The following ZNF107 variants were observed in gnomAD, a reference collection of about 807,000 sequenced individuals.
The protein encoded by ZNF107 is C2H2 type zinc-finger protein.
A neutral mutation model predicts 12.3 loss-of-function variants in ZNF107; 19 were observed. That is an observed-to-expected ratio of 1.55 (90% CI 1.08 to 2.27). ZNF107 has a LOEUF of 2.27. Among genes scored for constraint, ZNF107 ranks in the 30% most tolerant of loss-of-function variants. The pLI, the probability that ZNF107 is intolerant of heterozygous loss-of-function variation, is 0.00. For missense variants in ZNF107, 958 were observed against 979.9 expected, an observed-to-expected ratio of 0.98 and a Z score of 0.30; for synonymous variants, 317 against 330.5, an observed-to-expected ratio of 0.96 and a Z score of 0.44.
At chr7:64,677,962 T>G (rs1431379777) in intron 1 of ZNF107, among the ~76,000 whole-genome samples, 2 of 152,122 alleles carry the variant, frequency 1.3e-5, no homozygotes, top group Non-Finnish European at 2.9e-5. Flanking sequence ...TATTCTCCTA[T>G]GTGAAAAATA....
At position 64,669,196 on chromosome 7, in the gene ZNF107, A is replaced by G. The variant is rs538148085; in HGVS notation, c.3+2911A>G. 15 of 151,380 alleles carry G rather than the reference A, an allele frequency of 9.9e-5. 1 individual carries two copies. The highest frequency in any genetic ancestry group is 8.5e-4 in the Admixed American group (13 of 15,220). The allele number at this position is 151,380 out of a possible 1,614,324, so 9.4% of individuals were successfully genotyped here. A position where few individuals can be genotyped will look rare whatever the true frequency, so the allele number is the denominator to read the frequency against. On this transcript the variant is annotated intron_variant, in intron 1 of 3. Transcript: ENST00000620827. ...ATGCCCAGGTAATTTTTGTAGTTTT[A>G]TTAGACACGGGGTTTCACCATGTTG...
At chr7:64,670,268 G>A (rs1789171348) in intron 1 of ZNF107, among the ~76,000 whole-genome samples, 1 of 152,142 alleles carries the variant, frequency 6.6e-6, no homozygotes, top group South Asian at 2.1e-4. Context: ...CAAAGTTTAG[G>A]CAGACAAAGA....
chr7:64,706,496 T>C lies in ZNF107; in HGVS notation c.399T>C (p.Val133=). The C allele has an allele frequency of 6.2e-7, 1 of 1,612,122 alleles. No homozygotes were observed. The highest frequency in any genetic ancestry group is 8.5e-7 in the Non-Finnish European group (1 of 1,178,716). The part of the protein sequence containing the change: ...CTGHKGGHNT[V]NQCLTATPSK... ...GGCACAAAGGAGGTCATAATACAGT[T>C]AACCAATGTTTGACAGCTACCCCAA... is the stretch of plus-strand genomic sequence containing the variant. Residue 133 remains valine (V), a synonymous_variant, in exon 4 of 4, where the codon GTT becomes GTC. Transcript: ENST00000620827.
intron 1 of ZNF107, among the ~76,000 whole-genome samples, chr7:64,675,111 G>C (rs1053115464): frequency 6.6e-6 from 1 of 152,124 alleles, no homozygotes; most frequent in Admixed American, 6.5e-5. Context: ...ATATGATACT[G>C]TTCTTATATA....
chr7:64,668,206 G>A (rs551656553), intron 1 of ZNF107, among the ~76,000 whole-genome samples: 1 of 151,656 alleles, frequency 6.6e-6, no homozygotes, highest in Non-Finnish European at 1.5e-5. Flanking sequence ...TGCATAACGT[G>A]CAGGTTTGTT....
At chr7:64,668,997 ATTTTTTTTTTTTTTTTTTTTTTTT>A (rs55942111) in intron 1 of ZNF107, 1 of 57,596 alleles carries the variant, frequency 1.7e-5, no homozygotes, top group Non-Finnish European at 2.9e-5. Flanking sequence ...GATAACGCTA[ATTTTTTTTTTTTTTTTTTTTTTTT>A]TTTTTTTTTT....
intron 1 of ZNF107, chr7:64,687,368 CAGGAG>C (rs1789958462): frequency 2.0e-6 from 2 of 985,276 alleles, no homozygotes; most frequent in Non-Finnish European, 2.4e-6. Flanking sequence ...CAATTCTACC[CAGGAG>C]GCCTGCAGGC....
intron 1 of ZNF107, chr7:64,687,375 C>G: frequency 1.0e-6 from 1 of 985,432 alleles, no homozygotes; most frequent in Non-Finnish European, 1.2e-6. Flanking sequence ...ACCCAGGAGG[C>G]CTGCAGGCTC....
Position 64,706,802 on chromosome 7 carries a change from C to A in ZNF107, c.705C>A (p.Gly235=). Residue 235 remains glycine (G), a synonymous_variant, in exon 4 of 4, where the codon GGC becomes GGA. Coordinates refer to ENST00000620827, the MANE Select transcript of ZNF107 (RefSeq NM_001282359.2). ...GEKPYKCEEC[G]KAFNQSSQLT... is the part of the protein sequence containing the mutation. ...AGCCCTACAAATGTGAAGAATGTGG[C>A]AAAGCCTTTAACCAGTCCTCACAAC... The A allele has an allele frequency of 6.2e-7, 1 of 1,613,412 alleles. No individual in the cohort carries two copies. The highest frequency in any genetic ancestry group is 1.1e-5 in the South Asian group (1 of 91,042).
At position 64,710,172 on chromosome 7, in the gene ZNF107, A is replaced by G. The variant is rs566706271; in HGVS notation, c.*1516A>G. 1 of 157,956 alleles carries G rather than the reference A, an allele frequency of 6.3e-6. No homozygotes were observed. The highest frequency in any genetic ancestry group is 1.4e-5 in the Non-Finnish European group (1 of 72,266). The allele number at this position is 157,956 out of a possible 1,614,324, so 9.8% of individuals were successfully genotyped here. A position where few individuals can be genotyped will look rare whatever the true frequency, so the allele number is the denominator to read the frequency against. On this transcript the variant is annotated 3_prime_UTR_variant, in exon 4 of 4. Transcript: ENST00000620827. The stretch of plus-strand genomic sequence containing the variant: ...AGAGTATTCATTGTGAGGACAAACA[A>G]TACAAATACGAAGAGGGTTGTAGTA...
chr7:64,675,875 CAG>C (rs767069766), intron 1 of ZNF107, among the ~76,000 whole-genome samples: 1 of 152,160 alleles, frequency 6.6e-6, no homozygotes, highest in Non-Finnish European at 1.5e-5. Context: ...TTTTGTGAGA[CAG>C]AGTCTCACTC....
rs1261875771 is a variant in ZNF107 at position 64,708,398 on chromosome 7, CA to C, written c.2304del (p.Ala769LeufsTer41). The C allele has an allele frequency of 6.2e-7, 1 of 1,602,928 alleles. No individual in the cohort carries two copies. The highest frequency in any genetic ancestry group is 8.5e-7 in the Non-Finnish European group (1 of 1,172,678). On this transcript the variant is annotated frameshift_variant, in exon 4 of 4. Coordinates refer to ENST00000620827, the MANE Select transcript of ZNF107 (RefSeq NM_001282359.2). LOFTEE classifies it low-confidence loss of function (END_TRUNC). Reference sequence around the variant, plus strand: ...AACCCTATAAATGTGAAGAATGTGGCAAAGCTTTTAACCAATCCTCAAACCT... The same window carrying C: ...AACCCTATAAATGTGAAGAATGTGGCAAGCTTTTAACCAATCCTCAAACCT... ...EKPYKCEECG[K>X]AFNQSSNLTT...
In ZNF107 at chr7:64,708,327, C is replaced by G. The variant is rs767997866; in HGVS notation, c.2230C>G (p.Leu744Val). Residue 744 changes from leucine (L) to valine (V), a missense_variant, in exon 4 of 4, where the codon CTA (leucine) becomes GTA (valine). By Grantham distance (32) the Leu-to-Val change is conservative. Transcript: ENST00000620827. ...KCKECGKAFN[L>V]SSTLTAHKKI... is the part of the protein sequence containing the mutation. ...TAAAGAATGTGGCAAAGCTTTTAAC[C>G]TATCCTCAACCCTTACTGCACATAA... The G allele has an allele frequency of 1.9e-6, 3 of 1,613,074 alleles. No individual in the cohort carries two copies. The highest frequency in any genetic ancestry group is 2.7e-5 in the African/African-American group (2 of 74,828).
At chr7:64,691,127 C>G (rs953451644) in intron 1 of ZNF107, 121 bp from the exon 2 acceptor site, 1 of 1,011,246 alleles carries the variant, frequency 9.9e-7, no homozygotes, top group African/African-American at 1.7e-5. Context: ...CTGCCTTGGC[C>G]TCCCAAAGTG....
chr7:64,707,861 T>C lies in ZNF107; in HGVS notation c.1764T>C (p.Thr588=). ...YQLTRHKIVH[T]KEKLNKCEEF... ...TTACTAGACATAAGATAGTTCATAC[T>C]AAAGAGAAACTCAACAAATGTGAAG... The change falls in exon 4 of 4, where the codon ACT becomes ACC. Residue 588 remains threonine, a synonymous_variant. Transcript: ENST00000620827. 1 of 1,613,646 alleles carries C rather than the reference T, an allele frequency of 6.2e-7. No individual in the cohort carries two copies.
rs922439629 is a variant in ZNF107 at position 64,679,145 on chromosome 7, C to T, written c.4-12103C>T. On this transcript the variant is annotated intron_variant, in intron 1 of 3. Coordinates refer to ENST00000620827, the MANE Select transcript of ZNF107 (RefSeq NM_001282359.2). ...TTATTCACTTGGGTGCGAGCTCACA[C>T]GAAGCCTGCTTGGGTTTTCTCTTCA... The T allele has an allele frequency of 5.1e-6, 5 of 983,408 alleles. No individual in the cohort carries two copies. The African/African-American group carries it at 8.8e-5, about 17-fold the overall frequency. 60.9% of individuals were successfully genotyped at this position (983,408 alleles called of 1,614,324 possible). A position where few individuals can be genotyped will look rare whatever the true frequency, so the allele number is the denominator to read the frequency against.
At chr7:64,700,060 C>CAAAAAAAAAA (rs57490541) in intron 3 of ZNF107, among the ~76,000 whole-genome samples, 2 of 96,804 alleles carry the variant, frequency 2.1e-5, no homozygotes, top group African/African-American at 8.3e-5. Context: ...GACTCCATCT[C>CAAAAAAAAAA]AAAAAAAAAA....
intron 1 of ZNF107, chr7:64,669,311 G>C (rs1789134020): frequency 6.6e-6 from 1 of 151,880 alleles, no homozygotes; most frequent in South Asian, 2.1e-4. Flanking sequence ...CACCCAGCTG[G>C]TTAATGCTAA....
intron 1 of ZNF107, chr7:64,686,900 G>A (rs962521057): frequency 2.7e-5 from 27 of 985,224 alleles, no homozygotes; most frequent in Middle Eastern, 5.2e-4. Flanking sequence ...AGTCTGCTTG[G>A]GTCTTCAATC....
Sources: allele counts gnomAD v4.1 joint callset (sites outside exome capture counted in the v4.1 genomes callset), GRCh38; gene constraint gnomAD v4.1.1; transcripts MANE v1.5; gene names NCBI Gene and HGNC (gene_info 2026-07-23, HGNC 2026-07-21).